Variants in DDX60L observed in about 807,000 individuals in gnomAD.
DDX60L encodes the protein probable ATP-dependent RNA helicase DDX60-like.
DDX60L carries 191 observed loss-of-function variants against 211.6 expected under a neutral mutation model. The ratio of observed to expected loss-of-function variants is 0.90; its 90% CI spans 0.80 to 1.02. The LOEUF is 1.02. DDX60L is among the 50% of genes least tolerant of loss of function. The pLI is 0.00. For missense variants in DDX60L, 2,007 were observed against 1,984.1 expected (o/e 1.01, Z -0.22); for synonymous variants, 706 against 694.1 (o/e 1.02, Z -0.27).
At chr4:168,478,105 G>A (rs1323629799) in intron 1 of DDX60L, among the ~76,000 whole-genome samples, 2 of 150,592 alleles carry the variant, frequency 1.3e-5, no homozygotes, top group African/African-American at 4.9e-5. Flanking sequence ...GAGGGGAGGG[G>A]AAAAGAGGAG....
At chr4:168,448,951 A>G (rs1326253927) in intron 8 of DDX60L, among the ~76,000 whole-genome samples, 172 bp from the exon 9 acceptor site, 1 of 152,176 alleles carries the variant, frequency 6.6e-6, no homozygotes, top group Non-Finnish European at 1.5e-5. Context: ...TAATGCTTTC[A>G]TATCTTTACT....
At chr4:168,415,593 C>A in intron 21 of DDX60L, 64 bp downstream of exon 21, 4 of 1,419,088 alleles carry the variant, frequency 2.8e-6, no homozygotes, top group South Asian at 1.4e-5. Flanking sequence ...CACAAAAATC[C>A]CTATAAAAAG....
chr4:168,446,640 G>T (rs941523135), intron 9 of DDX60L, among the ~76,000 whole-genome samples: 1 of 151,520 alleles, frequency 6.6e-6, no homozygotes, highest in African/African-American at 2.4e-5. Flanking sequence ...ATACTACAAG[G>T]CTACAGGAAC....
intron 22 of DDX60L, among the ~76,000 whole-genome samples, chr4:168,408,759 T>C (rs2149807966): frequency 6.6e-6 from 1 of 152,326 alleles, no homozygotes; most frequent in African/African-American, 2.4e-5. Context: ...GCTGTTCTTT[T>C]ACGGCAGCAT....
At chr4:168,398,661 A>G (rs915094080) in intron 26 of DDX60L, among the ~76,000 whole-genome samples, 2 of 152,206 alleles carry the variant, frequency 1.3e-5, no homozygotes, top group Non-Finnish European at 2.9e-5. Flanking sequence ...TGGACCAATC[A>G]GCACACACTT....
In DDX60L at chr4:168,420,323, C is replaced by A. The variant is rs181793330; in HGVS notation, c.2452G>T (p.Ala818Ser). 4 of 1,611,856 alleles carry A rather than the reference C, an allele frequency of 2.5e-6. No individual in the cohort carries two copies. The highest frequency in any genetic ancestry group is 3.4e-6 in the Non-Finnish European group (4 of 1,179,350). The change falls in exon 18 of 38, where the codon GCC (alanine) becomes TCC (serine). Residue 818 changes from alanine to serine, a missense_variant. Physicochemically the swap from Ala to Ser is moderately conservative, Grantham distance 99 (BLOSUM62 1). Transcript: ENST00000682922. Reference sequence around the variant, plus strand: ...AAAGCACCGCATAGAGTTCTGCCGGCAGGCAACGTTTTAGTAAAACGATTC... The same window carrying A: ...AAAGCACCGCATAGAGTTCTGCCGGAAGGCAACGTTTTAGTAAAACGATTC... The part of the protein sequence containing the change: ...VENRFTKTLP[A>S]GRTLCGAFTR...
chr4:168,405,048 G>C (rs928744171), intron 24 of DDX60L, among the ~76,000 whole-genome samples: 1 of 147,528 alleles, frequency 6.8e-6, no homozygotes, highest in African/African-American at 2.5e-5. Flanking sequence ...TCCCTCTGTT[G>C]CCCAGACTGG....
chr4:168,394,231 C>T (rs994665864), intron 28 of DDX60L, among the ~76,000 whole-genome samples: 7 of 151,550 alleles, frequency 4.6e-5, no homozygotes, highest in African/African-American at 1.7e-4. Context: ...TAAAGTGTTA[C>T]ACCTGGATTA....
intron 10 of DDX60L, among the ~76,000 whole-genome samples, chr4:168,433,427 C>T (rs921836707): frequency 6.6e-6 from 1 of 151,980 alleles, no homozygotes; most frequent in African/African-American, 2.4e-5. Context: ...TAATGTGTCA[C>T]AGTATAGTAA....
rs374625423 is a variant in DDX60L at position 168,394,867 on chromosome 4, C to T, written c.3658-250G>A. On this transcript the variant is annotated intron_variant, in intron 27 of 37. Transcript: ENST00000682922. ...TGCTATTGAAGCAGCAGATCAAATG[C>T]CCAGGACAGATGAGTAAACAATCTT... 3.3e-5 allele frequency among the ~76,000 whole-genome samples: 5 copies of T among 152,278 alleles called. No individual in the cohort carries two copies. The South Asian group carries it at 1.0e-3, about 32-fold the overall frequency.
intron 12 of DDX60L, among the ~76,000 whole-genome samples, chr4:168,431,426 C>T (rs1752321284): frequency 6.6e-6 from 1 of 151,970 alleles, no homozygotes. Flanking sequence ...ACATAAATAG[C>T]TTATTCCTAT....
In DDX60L at chr4:168,396,064, T is replaced by C. The variant is rs1422074566; in HGVS notation, c.3552A>G (p.Glu1184=). ...KLERKKVYRA[E]YINFLENLKI... Reference sequence around the variant, plus strand: ...TCAGATTCTCCAGGAAATTAATATATTCAGCTCTATACACTTTTTTTCTTT... The same window carrying C: ...TCAGATTCTCCAGGAAATTAATATACTCAGCTCTATACACTTTTTTTCTTT... The change falls in exon 27 of 38, where the codon GAA becomes GAG. Residue 1184 remains glutamate (E), a synonymous_variant. Transcript: ENST00000682922. 4 of 1,605,194 alleles carry C rather than the reference T, an allele frequency of 2.5e-6. No individual in the cohort carries two copies. In the Admixed American group the frequency reaches 6.7e-5, roughly 27 times the overall value.
At chr4:168,398,430 C>A (rs947515344) in intron 26 of DDX60L, among the ~76,000 whole-genome samples, 1 of 152,224 alleles carries the variant, frequency 6.6e-6, no homozygotes, top group Non-Finnish European at 1.5e-5. Flanking sequence ...GGGCTAAGAG[C>A]AGCTCGGCAC....
At chr4:168,478,357 T>C (rs1759897510) in intron 1 of DDX60L, among the ~76,000 whole-genome samples, 1 of 152,098 alleles carries the variant, frequency 6.6e-6, no homozygotes, top group East Asian at 1.9e-4. Context: ...TGAGAGGGAA[T>C]TAGGATGAAA....
At chr4:168,378,329 T>A (rs1285461553) in intron 33 of DDX60L, 25 bp downstream of exon 33, 9 of 1,255,474 alleles carry the variant, frequency 7.2e-6, no homozygotes, top group African/African-American at 1.5e-5. Flanking sequence ...CATTATTATA[T>A]CATTGTAAGT....
intron 28 of DDX60L, among the ~76,000 whole-genome samples, chr4:168,393,428 G>A (rs562812035): frequency 3.9e-5 from 6 of 152,100 alleles, no homozygotes; most frequent in Non-Finnish European, 4.4e-5. Context: ...CCCAGGAGGC[G>A]GAGGTTGCAG....
intron 29 of DDX60L, 103 bp from the exon 30 acceptor site, chr4:168,384,915 T>C: frequency 8.2e-7 from 1 of 1,214,290 alleles, no homozygotes; most frequent in Non-Finnish European, 1.2e-6. Flanking sequence ...TTGTGTTAAA[T>C]TGTGTATTTA....
intron 4 of DDX60L, among the ~76,000 whole-genome samples, chr4:168,465,779 T>C (rs1046731190): frequency 1.3e-5 from 2 of 152,274 alleles, no homozygotes; most frequent in Middle Eastern, 3.4e-3. Flanking sequence ...GTTCTTGATA[T>C]GTTTTTGTCA....
chr4:168,473,367 G>C (rs528625576), intron 1 of DDX60L, among the ~76,000 whole-genome samples: 68 of 152,180 alleles, frequency 4.5e-4, no homozygotes, highest in Non-Finnish European at 9.0e-4. Flanking sequence ...ATTGGATGGG[G>C]AGGTGCATAA....
Sources: gnomAD v4.1 joint callset for allele counts (sites outside exome capture counted in the v4.1 genomes callset) on GRCh38, gnomAD v4.1.1 for gene constraint, MANE v1.5 for transcripts, NCBI Gene and HGNC (gene_info 2026-07-23, HGNC 2026-07-21) for gene names.